SAMD3: variants seen among roughly 807,000 people sequenced by gnomAD.
The protein encoded by SAMD3 is sterile alpha motif domain containing 3.
SAMD3 carries 63 observed loss-of-function variants against 58.5 expected under a neutral mutation model. The observed-to-expected ratio is 1.08, with a 90% CI of 0.88 to 1.33. The LOEUF is 1.33. Among genes scored for constraint, SAMD3 ranks in the 40% most tolerant of loss-of-function variants. SAMD3 has a pLI of 0.00. For missense variants in SAMD3, 604 were observed against 608.4 expected, an observed-to-expected ratio of 0.99 and a Z score of 0.08; for synonymous variants, 220 against 210.3, an observed-to-expected ratio of 1.05 and a Z score of -0.40.
At chr6:130,153,666 T>TGTATA (rs58896049) in intron 9 of SAMD3, among the ~76,000 whole-genome samples, 3 of 91,158 alleles carry the variant, frequency 3.3e-5, no homozygotes, top group African/African-American at 1.2e-4. Flanking sequence ...ATATATATAT[T>TGTATA]TATTTATTTA....
intron 2 of SAMD3, among the ~76,000 whole-genome samples, chr6:130,273,393 T>C (rs143144547): frequency 6.6e-6 from 1 of 152,162 alleles, no homozygotes; most frequent in South Asian, 2.1e-4. Context: ...TCCTTAAATC[T>C]AAAATGAGTC....
intron 2 of SAMD3, among the ~76,000 whole-genome samples, chr6:130,240,161 C>A (rs111791868): frequency 1.5e-4 from 23 of 152,286 alleles, no homozygotes; most frequent in African/African-American, 5.3e-4. Context: ...AGATTTCCTG[C>A]ATTTTCTTCT....
chr6:130,217,292 AC>A (rs1449484903), intron 1 of SAMD3, among the ~76,000 whole-genome samples: 1 of 152,200 alleles, frequency 6.6e-6, no homozygotes, highest in African/African-American at 2.4e-5. Context: ...GAAGGCATAA[AC>A]TATATATCAA....
At chr6:130,318,786 G>A (rs1776482258) in intron 1 of SAMD3, among the ~76,000 whole-genome samples, 3 of 151,992 alleles carry the variant, frequency 2.0e-5, no homozygotes, top group South Asian at 4.1e-4. Context: ...CCCACAAGCT[G>A]GTAAAGAATA....
At chr6:130,328,270 C>T (rs145247328) in intron 1 of SAMD3, among the ~76,000 whole-genome samples, 1 of 152,186 alleles carries the variant, frequency 6.6e-6, no homozygotes, top group African/African-American at 2.4e-5. Flanking sequence ...GAGCTATGTG[C>T]CCTGGTCTCT....
At chr6:130,171,108 G>A (rs1791208930) in intron 8 of SAMD3, among the ~76,000 whole-genome samples, 2 of 152,154 alleles carry the variant, frequency 1.3e-5, no homozygotes, top group Admixed American at 1.3e-4. Flanking sequence ...TTTGAGATAT[G>A]TTCCATCAAT....
chr6:130,252,063 T>C (rs1773757112), intron 2 of SAMD3, among the ~76,000 whole-genome samples: 1 of 152,100 alleles, frequency 6.6e-6, no homozygotes, highest in Non-Finnish European at 1.5e-5. Context: ...TTTCACTTCA[T>C]GTGTTTTGGG....
Position 130,209,508 on chromosome 6 carries a change from C to T in SAMD3, c.370G>A (p.Val124Ile), listed in dbSNP as rs112197738. ...TGGTACCCCCACCTCTGTTTCAATA[C>T]TCTTTGGTCAATTAGTCCATTATCA... ...NLDNGLIDQR[V>I]LKQRRNVKQI... The change falls in exon 5 of 12, where the codon GTA (valine) becomes ATA (isoleucine). Residue 124 changes from valine (V) to isoleucine (I), a missense_variant. Transcript: ENST00000439090. 4 of 1,604,292 alleles carry T rather than the reference C, an allele frequency of 2.5e-6. No individual in the cohort carries two copies. The African/African-American group carries it at 4.0e-5, about 16-fold the overall frequency.
chr6:130,198,844 A>G (rs953790208), intron 5 of SAMD3, among the ~76,000 whole-genome samples: 1 of 152,176 alleles, frequency 6.6e-6, no homozygotes, highest in Non-Finnish European at 1.5e-5. Context: ...ACCAGGCTTC[A>G]GTTGCACCCC....
chr6:130,162,449 C>A (rs374106691), intron 8 of SAMD3, among the ~76,000 whole-genome samples: 1 of 151,914 alleles, frequency 6.6e-6, no homozygotes, highest in African/African-American at 2.4e-5. Context: ...TTCTATATTC[C>A]ACAATCTGAA....
chr6:130,275,077 T>C (rs181087980), intron 2 of SAMD3, among the ~76,000 whole-genome samples: 122 of 152,312 alleles, frequency 8.0e-4, no homozygotes, highest in Non-Finnish European at 2.6e-4. Flanking sequence ...TTTGATAAGA[T>C]TCTTAGGTGA....
chr6:130,296,871 G>T (rs1432216090), intron 2 of SAMD3, among the ~76,000 whole-genome samples: 1 of 152,094 alleles, frequency 6.6e-6, no homozygotes, highest in East Asian at 1.9e-4. Flanking sequence ...CTATGACAGG[G>T]GTGTGATAGG....
chr6:130,317,836 G>T (rs1229553807), intron 1 of SAMD3, among the ~76,000 whole-genome samples: 2 of 152,192 alleles, frequency 1.3e-5, no homozygotes, highest in Non-Finnish European at 2.9e-5. Context: ...CCAGCTTACT[G>T]CCTGGAGAGA....
chr6:130,175,931 T>G lies in SAMD3; in HGVS notation c.732A>C (p.Arg244Ser), dbSNP rs758045930. Residue 244 changes from arginine (R) to serine (S), a missense_variant, in exon 8 of 12, where the codon AGA becomes AGC. Transcript: ENST00000439090. Reference protein sequence around the residue: ...RPIEDDEQVIRNKCKFGHRRG... With the variant: ...RPIEDDEQVISNKCKFGHRRG... ...TTCGGTGTCCAAATTTACACTTATT[T>G]CTAATCACTTGCTCATCATCTTCTA... is the stretch of plus-strand genomic sequence containing the variant. 3 of 1,613,242 alleles carry G rather than the reference T, an allele frequency of 1.9e-6. No homozygotes were observed. The South Asian group carries it at 3.3e-5, about 18-fold the overall frequency.
intron 7 of SAMD3, among the ~76,000 whole-genome samples, chr6:130,180,748 C>T (rs548749389): frequency 1.8e-4 from 28 of 152,220 alleles, no homozygotes; most frequent in Non-Finnish European, 4.0e-4. Context: ...GTGCTACTCA[C>T]ACCTAGTGGG....
chr6:130,316,295 A>G (rs1304781405), intron 1 of SAMD3, among the ~76,000 whole-genome samples: 3 of 150,836 alleles, frequency 2.0e-5, no homozygotes, highest in African/African-American at 7.3e-5. Flanking sequence ...TCTTAAAAAA[A>G]AAAAAAAAAA....
chr6:130,151,390 G>A (rs1294580227), intron 9 of SAMD3, among the ~76,000 whole-genome samples: 1 of 151,866 alleles, frequency 6.6e-6, no homozygotes, highest in Non-Finnish European at 1.5e-5. Flanking sequence ...ACCAGTACCA[G>A]TTACTCCATT....
intron 1 of SAMD3, among the ~76,000 whole-genome samples, chr6:130,356,661 T>C: frequency 6.6e-6 from 1 of 152,250 alleles, no homozygotes; most frequent in South Asian, 2.1e-4. Context: ...AGTTGATTGT[T>C]TCTGATATTC....
chr6:130,257,289 A>G (rs1212020656), intron 2 of SAMD3, among the ~76,000 whole-genome samples: 1 of 152,134 alleles, frequency 6.6e-6, no homozygotes, highest in Non-Finnish European at 1.5e-5. Context: ...AGTTGTGAGA[A>G]AATAAAATTC....
Sources: allele counts gnomAD v4.1 joint callset (sites outside exome capture counted in the v4.1 genomes callset), GRCh38; gene constraint gnomAD v4.1.1; transcripts MANE v1.5; gene names NCBI Gene and HGNC (gene_info 2026-07-23, HGNC 2026-07-21).